Variants in DMRT1 observed in about 807,000 individuals in gnomAD.
DMRT1 encodes the protein doublesex- and mab-3-related transcription factor 1.
DMRT1 carries 7 observed loss-of-function variants against 32.3 expected under a neutral mutation model. The ratio of observed to expected loss-of-function variants is 0.22; its 90% CI spans 0.12 to 0.41. The LOEUF (loss-of-function observed/expected upper bound fraction) is 0.41, where lower values mean the gene tolerates loss of function less well. DMRT1 is among the 10% of genes least tolerant of loss of function. The pLI, the probability that DMRT1 is intolerant of heterozygous loss-of-function variation, is 1.00. For synonymous variants in DMRT1, 278 were observed against 206.1 expected, an observed-to-expected ratio of 1.35 and a Z score of -2.99; for missense variants, 625 against 500.5, an observed-to-expected ratio of 1.25 and a Z score of -2.37.
intron 2 of DMRT1, among the ~76,000 whole-genome samples, chr9:865,558 A>G (rs1316934785): frequency 6.6e-6 from 1 of 152,226 alleles, no homozygotes; most frequent in Non-Finnish European, 1.5e-5. Flanking sequence ...AGATATTAAT[A>G]GGAGGAGCAG....
Position 894,150 on chromosome 9 carries a change from C to T in DMRT1, c.777C>T (p.Gly259=), listed in dbSNP as rs1473090333. ...GGSPVKNSLR[G]LPGPYVPGQT... is the part of the protein sequence containing the mutation. ...CCCCTGTGAAGAACAGCCTTCGGGGCCTCCCCGGACCTTATGTGCCTGGTC... is the reference window on the plus strand; with the variant it reads ...CCCCTGTGAAGAACAGCCTTCGGGGTCTCCCCGGACCTTATGTGCCTGGTC... Residue 259 remains glycine, a synonymous_variant, in exon 3 of 5, where the codon GGC becomes GGT. Transcript: ENST00000382276. 13 of 1,613,920 alleles carry T rather than the reference C, an allele frequency of 8.1e-6. No individual in the cohort carries two copies. The highest frequency in any genetic ancestry group is 1.1e-5 in the Non-Finnish European group (13 of 1,180,044).
chr9:899,714 C>T (rs1817498788), intron 3 of DMRT1, among the ~76,000 whole-genome samples: 1 of 152,228 alleles, frequency 6.6e-6, no homozygotes, highest in African/African-American at 2.4e-5. Flanking sequence ...TCCTCCACCG[C>T]AACATTATCT....
intron 3 of DMRT1, among the ~76,000 whole-genome samples, chr9:912,686 C>T (rs1331618583): frequency 6.6e-6 from 1 of 151,950 alleles, no homozygotes; most frequent in African/African-American, 2.4e-5. Flanking sequence ...CAGATTTAGC[C>T]TGTTTTAGTT....
intron 2 of DMRT1, among the ~76,000 whole-genome samples, chr9:862,916 A>G (rs1030631952): frequency 6.6e-6 from 1 of 152,072 alleles, no homozygotes; most frequent in Admixed American, 6.6e-5. Context: ...GGTACCTTAC[A>G]TGGCAGAAGG....
intron 3 of DMRT1, among the ~76,000 whole-genome samples, chr9:897,185 T>A (rs1817403733): frequency 6.6e-6 from 1 of 151,606 alleles, no homozygotes; most frequent in South Asian, 2.1e-4. Context: ...CCATCTCGGC[T>A]CACTGCAACC....
rs139313792 is a variant in DMRT1 at position 901,308 on chromosome 9, C to T, written c.822+7113C>T. Among the ~76,000 whole-genome samples, 227 of 152,070 alleles carry T rather than the reference C, an allele frequency of 1.5e-3. 1 individual carries two copies. The highest frequency in any genetic ancestry group is 5.1e-3 in the African/African-American group (212 of 41,454). On this transcript the variant is annotated intron_variant, in intron 3 of 4. Coordinates refer to ENST00000382276, the MANE Select transcript of DMRT1 (RefSeq NM_021951.3). ...CTGGGATTGCAGGCATGAGCCACCA[C>T]GCCTGACCAATTTTTTGTGTGTTTG...
chr9:967,471 G>A (rs552569269), intron 4 of DMRT1, among the ~76,000 whole-genome samples: 4 of 151,992 alleles, frequency 2.6e-5, no homozygotes, highest in African/African-American at 9.7e-5. Context: ...CCTTTCCCCC[G>A]TCTTTGTCCT....
At chr9:930,730 G>C (rs1564259146) in intron 4 of DMRT1, among the ~76,000 whole-genome samples, 1 of 152,064 alleles carries the variant, frequency 6.6e-6, no homozygotes, top group Admixed American at 6.6e-5. Context: ...TTTTTTGTAG[G>C]ACAGGTTCTT....
intron 3 of DMRT1, among the ~76,000 whole-genome samples, chr9:913,223 C>A (rs1818049639): frequency 6.6e-6 from 1 of 152,178 alleles, no homozygotes; most frequent in Non-Finnish European, 1.5e-5. Context: ...AAAGCATTTT[C>A]CTTGAAGAAC....
At chr9:859,869 G>C (rs948399127) in intron 2 of DMRT1, among the ~76,000 whole-genome samples, 2 of 73,130 alleles carry the variant, frequency 2.7e-5, no homozygotes, top group Non-Finnish European at 5.2e-5. Context: ...TTGGCAGTAA[G>C]GTTCTTAGAT....
intron 4 of DMRT1, among the ~76,000 whole-genome samples, chr9:935,319 G>T (rs1479587034): frequency 6.6e-6 from 1 of 152,170 alleles, no homozygotes; most frequent in African/African-American, 2.4e-5. Flanking sequence ...AACGAGGGGG[G>T]CAGATGGATA....
chr9:905,513 T>G (rs982414895), intron 3 of DMRT1, among the ~76,000 whole-genome samples: 10 of 151,654 alleles, frequency 6.6e-5, no homozygotes, highest in African/African-American at 2.4e-4. Flanking sequence ...TGTGTGTGTG[T>G]GGCACTGCAG....
chr9:899,350 C>G (rs1428048534), intron 3 of DMRT1, among the ~76,000 whole-genome samples: 2 of 152,122 alleles, frequency 1.3e-5, no homozygotes, highest in South Asian at 2.1e-4. Flanking sequence ...ACAGTTGAGA[C>G]TTCCTGCAAG....
At chr9:902,099 G>A (rs1817605495) in intron 3 of DMRT1, among the ~76,000 whole-genome samples, 1 of 151,548 alleles carries the variant, frequency 6.6e-6, no homozygotes, top group Admixed American at 6.6e-5. Flanking sequence ...TAGTCGAGAT[G>A]GGGTTTTGCC....
intron 2 of DMRT1, among the ~76,000 whole-genome samples, chr9:876,995 C>T (rs1486004088): frequency 1.3e-5 from 2 of 151,934 alleles, no homozygotes; most frequent in African/African-American, 4.8e-5. Flanking sequence ...GCTGCCTCAG[C>T]CATGGTCCCA....
At position 841,913 on chromosome 9, in the gene DMRT1, G is replaced by A. The variant is rs772755253; in HGVS notation, c.75G>A (p.Gln25=). 6 of 1,609,120 alleles carry A rather than the reference G, an allele frequency of 3.7e-6. No homozygotes were observed. The highest frequency in any genetic ancestry group is 2.7e-5 in the African/African-American group (2 of 74,802). Reference sequence around the variant, plus strand: ...CTCACGCCCCCGGGGTACCGCCGCAGGGCAGAGCCGGGGGCTTTGGCAAAG... The same window carrying A: ...CTCACGCCCCCGGGGTACCGCCGCAAGGCAGAGCCGGGGGCTTTGGCAAAG... ...EAPHAPGVPP[Q]GRAGGFGKAS... Residue 25 remains glutamine, a synonymous_variant, in exon 1 of 5, where the codon CAG becomes CAA. Transcript: ENST00000382276.
rs893042453 is a variant in DMRT1, at chr9:894,610, T to C, written c.822+415T>C. ...CACTTTCGTTGGGCACCTTAGAAAA[T>C]GCTGGGTAAAGCCTTCTGGGTGGCA... On this transcript the variant is annotated intron_variant, in intron 3 of 4. Coordinates refer to ENST00000382276, the MANE Select transcript of DMRT1 (RefSeq NM_021951.3). 265 of 303,962 alleles carry C rather than the reference T, an allele frequency of 8.7e-4. 3 individuals carry two copies. The highest frequency in any genetic ancestry group is 2.4e-4 in the Non-Finnish European group (38 of 157,614). The allele number at this position is 303,962 out of a possible 1,614,324, so 18.8% of individuals were successfully genotyped here. A position where few individuals can be genotyped will look rare whatever the true frequency, so the allele number is the denominator to read the frequency against.
intron 4 of DMRT1, among the ~76,000 whole-genome samples, chr9:925,555 T>C (rs1188687008): frequency 6.6e-6 from 1 of 152,228 alleles, no homozygotes; most frequent in Non-Finnish European, 1.5e-5. Context: ...GCCTTGTTGC[T>C]AGTGTTTAAG....
chr9:883,024 G>A (rs1816793118), intron 2 of DMRT1, among the ~76,000 whole-genome samples: 1 of 151,444 alleles, frequency 6.6e-6, no homozygotes, highest in East Asian at 2.0e-4. Flanking sequence ...CTCCCGCCTC[G>A]GCCTCTCAAA....
Sources: allele counts gnomAD v4.1 joint callset (sites outside exome capture counted in the v4.1 genomes callset), GRCh38; gene constraint gnomAD v4.1.1; transcripts MANE v1.5; gene names NCBI Gene and HGNC (gene_info 2026-07-23, HGNC 2026-07-21).